The following TBCK variants were observed in gnomAD, a reference collection of about 807,000 sequenced individuals.
The protein encoded by TBCK is TBC1 domain containing kinase, also known as TBC domain-containing protein kinase-like protein.
Under a neutral mutation model 113.4 loss-of-function variants are expected in TBCK, and 99 were observed. The ratio of observed to expected loss-of-function variants is 0.87; its 90% CI spans 0.74 to 1.03. The LOEUF (loss-of-function observed/expected upper bound fraction) is 1.03. Ranked by LOEUF, TBCK falls within the 50% of genes least tolerant of loss-of-function variation. The pLI is 0.00. For synonymous variants in TBCK, 369 were observed against 370.8 expected (o/e 1.00, Z 0.05); for missense variants, 1,045 against 1,061.3 (o/e 0.98, Z 0.21).
At chr4:106,225,155 CTG>C (rs920030034) in intron 19 of TBCK, among the ~76,000 whole-genome samples, 47 of 152,208 alleles carry the variant, frequency 3.1e-4, no homozygotes, top group South Asian at 1.7e-3. Flanking sequence ...TTAATTGAAA[CTG>C]TTTTTTTTCT....
chr4:106,124,491 C>G (rs1744891267), intron 23 of TBCK, among the ~76,000 whole-genome samples: 1 of 152,078 alleles, frequency 6.6e-6, no homozygotes, highest in Non-Finnish European at 1.5e-5. Flanking sequence ...CCCAGCCATC[C>G]CATTACTGGG....
At chr4:106,218,585 A>G (rs1579286838) in intron 19 of TBCK, among the ~76,000 whole-genome samples, 1 of 63,766 alleles carries the variant, frequency 1.6e-5, no homozygotes, top group African/African-American at 5.9e-5. Context: ...CTCTCAAAAG[A>G]AGACATTTAT....
chr4:106,158,394 T>C (rs1749365794), intron 23 of TBCK, among the ~76,000 whole-genome samples: 1 of 152,144 alleles, frequency 6.6e-6, no homozygotes, highest in East Asian at 1.9e-4. Flanking sequence ...AATACAAAAT[T>C]AGCCGGGTGT....
In TBCK at chr4:106,094,406, T is replaced by C. The variant is rs186711059; in HGVS notation, c.2571+1076A>G. Among the ~76,000 whole-genome samples the C allele has an allele frequency of 3.1e-3, 468 of 152,306 alleles. 2 individuals are homozygous for C. Among genetic ancestry groups the C allele is most frequent in the South Asian group, 8.3e-3 (40 of 4,828 alleles). On this transcript the variant is annotated intron_variant, in intron 25 of 25. Transcript: ENST00000394708. ...AAAATCATGCATACTTTTTATTTCC[T>C]TTTTTGGTCTCTCTATATTTTCCAA...
intron 22 of TBCK, among the ~76,000 whole-genome samples, chr4:106,180,147 T>C (rs1449426216): frequency 6.6e-6 from 1 of 151,954 alleles, no homozygotes; most frequent in Non-Finnish European, 1.5e-5. Context: ...GTAGACAGCA[T>C]ATAGTTGTGT....
intron 11 of TBCK, 31 bp from the exon 12 acceptor site, chr4:106,242,600 C>A: frequency 2.0e-6 from 3 of 1,464,100 alleles, no homozygotes; most frequent in Non-Finnish European, 2.8e-6. Context: ...ATAATATGTA[C>A]ACAAAATCCA....
intron 22 of TBCK, among the ~76,000 whole-genome samples, chr4:106,181,911 A>G (rs936233324): frequency 1.1e-4 from 16 of 152,160 alleles, no homozygotes; most frequent in African/African-American, 3.9e-4. Context: ...AAAGAAAGTC[A>G]TTGGTAGCTT....
chr4:106,226,288 T>G (rs914470669), intron 19 of TBCK, among the ~76,000 whole-genome samples: 6 of 152,184 alleles, frequency 3.9e-5, no homozygotes, highest in African/African-American at 1.4e-4. Flanking sequence ...AATAAAATTT[T>G]GGGAGGAAGA....
intron 25 of TBCK, among the ~76,000 whole-genome samples, chr4:106,080,558 CA>C (rs1364298130): frequency 6.6e-6 from 1 of 152,172 alleles, no homozygotes; most frequent in Non-Finnish European, 1.5e-5. Flanking sequence ...AGACCGAAAG[CA>C]ATCAAAACCC....
intron 23 of TBCK, among the ~76,000 whole-genome samples, chr4:106,157,213 A>C (rs747691822): frequency 6.6e-6 from 1 of 152,078 alleles, no homozygotes; most frequent in Non-Finnish European, 1.5e-5. Flanking sequence ...GCTGGTTTCC[A>C]AGATGTAAGA....
intron 19 of TBCK, among the ~76,000 whole-genome samples, chr4:106,214,235 G>A (rs1197947758): frequency 6.6e-6 from 1 of 152,096 alleles, no homozygotes; most frequent in Non-Finnish European, 1.5e-5. Context: ...AATCATCAAA[G>A]ACCAAAAGTA....
At chr4:106,098,882 T>G (rs1441725089) in intron 24 of TBCK, among the ~76,000 whole-genome samples, 1 of 152,070 alleles carries the variant, frequency 6.6e-6, no homozygotes, top group Non-Finnish European at 1.5e-5. Context: ...AGTATTTGAA[T>G]GTGTGCTAAG....
chr4:106,083,308 C>G (rs1405710270), intron 25 of TBCK, among the ~76,000 whole-genome samples: 2 of 152,210 alleles, frequency 1.3e-5, no homozygotes, highest in African/African-American at 4.8e-5. Flanking sequence ...AAAACACCGG[C>G]TGTGGCAGTC....
intron 25 of TBCK, among the ~76,000 whole-genome samples, chr4:106,068,943 T>C (rs984196163): frequency 6.6e-6 from 1 of 152,122 alleles, no homozygotes; most frequent in African/African-American, 2.4e-5. Context: ...AAATGTCTTC[T>C]TTTGAGAAGT....
chr4:106,314,282 G>C (rs1018633149), intron 1 of TBCK, among the ~76,000 whole-genome samples: 1 of 152,078 alleles, frequency 6.6e-6, no homozygotes, highest in Non-Finnish European at 1.5e-5. Context: ...ATTTTCAAAA[G>C]TTGATGTGAA....
At chr4:106,233,677 A>G (rs377209403) in intron 15 of TBCK, 27 bp from the exon 16 acceptor site, 86 of 1,522,900 alleles carry the variant, frequency 5.6e-5, no homozygotes, top group Non-Finnish European at 7.6e-5. Context: ...AAGATATATT[A>G]ATTTATCATA....
At chr4:106,163,880 C>G (rs1750079102) in intron 23 of TBCK, among the ~76,000 whole-genome samples, 1 of 152,082 alleles carries the variant, frequency 6.6e-6, no homozygotes, top group Non-Finnish European at 1.5e-5. Flanking sequence ...CTTCTCTACA[C>G]TTGGAATATA....
At chr4:106,246,749 C>T (rs1262246407) in intron 10 of TBCK, among the ~76,000 whole-genome samples, 2 of 152,154 alleles carry the variant, frequency 1.3e-5, no homozygotes, top group Non-Finnish European at 2.9e-5. Context: ...GCTATTTCCC[C>T]TCACCAGTTC....
rs1308783929 is a variant in TBCK at position 106,251,909 on chromosome 4, G to A, written c.554C>T (p.Ser185Leu). The change falls in exon 6 of 26, where the codon TCA becomes TTA. Residue 185 changes from serine to leucine, a missense_variant. By Grantham distance (145) the Ser-to-Leu change is moderately radical. Transcript: ENST00000394708. The part of the protein sequence containing the change: ...SKKPLPSGPK[S>L]DVWSLGIILF... Reference sequence around the variant, plus strand: ...AATGATTCCAAGAGACCATACATCTGATTTGGGGCCAGAAGGCAATGGTTT... The same window carrying A: ...AATGATTCCAAGAGACCATACATCTAATTTGGGGCCAGAAGGCAATGGTTT... 1.2e-6 allele frequency: 2 copies of A among 1,611,304 alleles called. No homozygotes were observed. Among genetic ancestry groups the A allele is most frequent in the African/African-American group, 2.7e-5 (2 of 74,982 alleles).
Sources: allele counts gnomAD v4.1 joint callset (sites outside exome capture counted in the v4.1 genomes callset), GRCh38; gene constraint gnomAD v4.1.1; transcripts MANE v1.5; gene names NCBI Gene and HGNC (gene_info 2026-07-23, HGNC 2026-07-21).